GPR158: variants seen among roughly 807,000 people sequenced by gnomAD.
GPR158 encodes G protein-coupled receptor 158, also known as metabotropic glycine receptor.
A neutral mutation model predicts 78.2 loss-of-function variants in GPR158; 30 were observed. The ratio of observed to expected loss-of-function variants is 0.38; its 90% confidence interval spans 0.29 to 0.52. The LOEUF (loss-of-function observed/expected upper bound fraction) is 0.52, where lower values mean the gene tolerates loss of function less well. GPR158 is among the 20% of genes least tolerant of loss of function. The pLI is 0.83. For synonymous variants in GPR158, 581 were observed against 591.1 expected (o/e 0.98, Z 0.25); for missense variants, 1,463 against 1,523.5 (o/e 0.96, Z 0.66).
chr10:25,544,699 T>C (rs1836637423), intron 5 of GPR158, among the ~76,000 whole-genome samples: 1 of 152,182 alleles, frequency 6.6e-6, no homozygotes, highest in Non-Finnish European at 1.5e-5. Flanking sequence ...TGTTAAAATA[T>C]ATGTTTATAT....
At chr10:25,242,230 A>T (rs1029602597) in intron 2 of GPR158, among the ~76,000 whole-genome samples, 3 of 152,216 alleles carry the variant, frequency 2.0e-5, no homozygotes, top group Non-Finnish European at 4.4e-5. Context: ...GACCTGGTGA[A>T]TCTTCATTTC....
intron 4 of GPR158, among the ~76,000 whole-genome samples, chr10:25,447,052 A>G (rs889735534): frequency 6.6e-6 from 1 of 152,228 alleles, no homozygotes; most frequent in Non-Finnish European, 1.5e-5. Context: ...GATACTTTGA[A>G]TTTAAACACA....
intron 2 of GPR158, among the ~76,000 whole-genome samples, chr10:25,363,163 G>T (rs12767587): frequency 0.06 from 9,146 of 151,870 alleles, 621 homozygotes; most frequent in African/African-American, 0.17. Context: ...TTTAGCATTT[G>T]TTTGGCAGCC....
chr10:25,362,228 T>G (rs1239906785), intron 2 of GPR158, among the ~76,000 whole-genome samples: 1 of 151,976 alleles, frequency 6.6e-6, no homozygotes, highest in African/African-American at 2.4e-5. Flanking sequence ...TTCCTCCATG[T>G]TGTGGTCTTG....
At position 25,459,911 on chromosome 10, in the gene GPR158, A is replaced by G. The variant is rs137923516; in HGVS notation, c.1336-6740A>G. On this transcript the variant is annotated intron_variant, in intron 4 of 10. Transcript: ENST00000376351. Reference sequence around the variant, plus strand: ...AGTTCTGAAAGTTTACAAAGTGGGGAAGTTGGGATGGAAATGGAGTAAGGT... The same window carrying G: ...AGTTCTGAAAGTTTACAAAGTGGGGGAGTTGGGATGGAAATGGAGTAAGGT... Among the ~76,000 whole-genome samples the G allele has an allele frequency of 9.1e-3, 1,380 of 152,180 alleles. 19 individuals are homozygous for G. The highest frequency in any genetic ancestry group is 0.031 in the African/African-American group (1,284 of 41,486).
intron 1 of GPR158, among the ~76,000 whole-genome samples, chr10:25,202,643 C>T (rs548985603): frequency 6.6e-6 from 1 of 152,292 alleles, no homozygotes; most frequent in South Asian, 2.1e-4. Flanking sequence ...TATTCTTAAT[C>T]CAGTCTATCA....
chr10:25,513,057 G>C (rs1836105656), intron 5 of GPR158, among the ~76,000 whole-genome samples: 2 of 152,128 alleles, frequency 1.3e-5, no homozygotes, highest in African/African-American at 4.8e-5. Flanking sequence ...GAATGATTCA[G>C]GGAGGATTCC....
chr10:25,365,601 AT>A (rs2130540320), intron 2 of GPR158, among the ~76,000 whole-genome samples: 1 of 151,822 alleles, frequency 6.6e-6, no homozygotes, highest in Non-Finnish European at 1.5e-5. Flanking sequence ...TAGATCCTAT[AT>A]CTATCAGGAA....
intron 1 of GPR158, among the ~76,000 whole-genome samples, chr10:25,189,051 C>T (rs1852731664): frequency 6.6e-6 from 1 of 152,172 alleles, no homozygotes; most frequent in Non-Finnish European, 1.5e-5. Context: ...CATCACTGGC[C>T]ACCAGAGAAA....
intron 6 of GPR158, among the ~76,000 whole-genome samples, chr10:25,559,406 TC>T (rs1836832985): frequency 6.6e-6 from 1 of 152,246 alleles, no homozygotes; most frequent in Admixed American, 6.5e-5. Context: ...ATACAGCTCA[TC>T]TGAAATATGT....
At chr10:25,365,567 G>A (rs775923850) in intron 2 of GPR158, among the ~76,000 whole-genome samples, 1 of 151,594 alleles carries the variant, frequency 6.6e-6, no homozygotes, top group Admixed American at 6.6e-5. Context: ...ATATCCAGAG[G>A]CTTCTTCCTT....
At chr10:25,263,885 T>G (rs1854003516) in intron 2 of GPR158, among the ~76,000 whole-genome samples, 1 of 152,178 alleles carries the variant, frequency 6.6e-6, no homozygotes, top group African/African-American at 2.4e-5. Context: ...TGCAGTGAGC[T>G]GATACAGTGC....
At chr10:25,438,018 G>T (rs560239604) in intron 4 of GPR158, among the ~76,000 whole-genome samples, 65 of 152,336 alleles carry the variant, frequency 4.3e-4, no homozygotes, top group African/African-American at 1.5e-3. Context: ...GGTCCTGAGT[G>T]CAGGTGGAGC....
At chr10:25,589,297 A>G (rs1219095542) in intron 8 of GPR158, 152 bp downstream of exon 8, 2 of 533,970 alleles carry the variant, frequency 3.7e-6, no homozygotes, top group South Asian at 4.4e-5. Flanking sequence ...TTGGAAAATG[A>G]ATAGTTTGTT....
intron 4 of GPR158, among the ~76,000 whole-genome samples, chr10:25,465,932 C>T (rs188301446): frequency 1.4e-3 from 219 of 152,246 alleles, no homozygotes; most frequent in African/African-American, 5.2e-3. Flanking sequence ...AGGGACTTTC[C>T]CCTAAGCCAA....
chr10:25,293,982 T>C (rs939335106), intron 2 of GPR158, among the ~76,000 whole-genome samples: 14 of 152,298 alleles, frequency 9.2e-5, no homozygotes, highest in Admixed American at 7.8e-4. Context: ...CCTGACCTCG[T>C]GATTCACCTG....
intron 7 of GPR158, among the ~76,000 whole-genome samples, chr10:25,586,467 G>C (rs1303383012): frequency 7.3e-6 from 1 of 136,366 alleles, no homozygotes; most frequent in East Asian, 2.2e-4. Context: ...GCAGTGGCAT[G>C]ACCTCAGCTC....
intron 2 of GPR158, among the ~76,000 whole-genome samples, chr10:25,257,451 A>G (rs1401474793): frequency 6.6e-6 from 1 of 152,212 alleles, no homozygotes; most frequent in African/African-American, 2.4e-5. Flanking sequence ...GAACAGTGGT[A>G]TGGGCTGCCA....
intron 3 of GPR158, among the ~76,000 whole-genome samples, chr10:25,411,986 T>TC (rs1472043722): frequency 1.5e-5 from 2 of 136,736 alleles, no homozygotes; most frequent in African/African-American, 5.3e-5. Flanking sequence ...AGAAAACTGT[T>TC]CCCTGCCCTC....
Sources: gnomAD v4.1 joint callset for allele counts (sites outside exome capture counted in the v4.1 genomes callset) on GRCh38, gnomAD v4.1.1 for gene constraint, MANE v1.5 for transcripts, NCBI Gene and HGNC (gene_info 2026-07-23, HGNC 2026-07-21) for gene names.